Variants in BEND6 observed in about 807,000 individuals in gnomAD.
The protein encoded by BEND6 is BEN domain containing 6.
Under a neutral mutation model 31.8 loss-of-function variants are expected in BEND6, and 24 were observed. The ratio of observed to expected loss-of-function variants is 0.75; its 90% CI spans 0.55 to 1.06. The LOEUF (loss-of-function observed/expected upper bound fraction) is 1.06. Among genes scored for constraint, BEND6 ranks in the 50% least tolerant of loss-of-function variants. The pLI is 0.00. For synonymous variants in BEND6, 109 were observed against 114.6 expected (o/e 0.95, Z 0.31); for missense variants, 294 against 327.4 (o/e 0.90, Z 0.79).
rs187471304 is a variant in BEND6 at position 57,006,931 on chromosome 6, G to A, written c.299-8202G>A. On this transcript the variant is annotated intron_variant, in intron 3 of 6. Coordinates refer to ENST00000370746, the MANE Select transcript of BEND6 (RefSeq NM_152731.3). Reference sequence around the variant, plus strand: ...GAACTCAGAAACTAATCCACATACCGATAATCAATTGATTTTTGACAAAAC... The same window carrying A: ...GAACTCAGAAACTAATCCACATACCAATAATCAATTGATTTTTGACAAAAC... 3.9e-4 allele frequency among the ~76,000 whole-genome samples: 60 copies of A among 152,236 alleles called. 1 individual carries two copies. The highest frequency in any genetic ancestry group is 9.9e-4 in the African/African-American group (41 of 41,544).
chr6:56,975,369 G>A (rs1308663792), intron 1 of BEND6, among the ~76,000 whole-genome samples: 1 of 152,018 alleles, frequency 6.6e-6, no homozygotes, highest in Non-Finnish European at 1.5e-5. Flanking sequence ...TCTCAACATC[G>A]TTAGTATATC....
Position 57,017,234 on chromosome 6 carries a change from C to G in BEND6, c.547C>G (p.Arg183Gly), listed in dbSNP as rs775307108. The change falls in exon 5 of 7, where the codon CGT becomes GGT. Residue 183 changes from arginine (R) to glycine (G), a missense_variant. By Grantham distance (125) the Arg-to-Gly change is moderately radical. Coordinates refer to ENST00000370746, the MANE Select transcript of BEND6 (RefSeq NM_152731.3). Reference sequence around the variant, plus strand: ...CCAGATTGAAAAATGGCAGATTGCCCGTTGTAACAAGAGCAAGCCTCAGAA... The same window carrying G: ...CCAGATTGAAAAATGGCAGATTGCCGGTTGTAACAAGAGCAAGCCTCAGAA... ...QFQIEKWQIA[R>G]CNKSKPQKFI... is the part of the protein sequence containing the mutation. 2 of 1,561,684 alleles carry G rather than the reference C, an allele frequency of 1.3e-6. No individual in the cohort carries two copies. Among genetic ancestry groups the G allele is most frequent in the Non-Finnish European group, 8.7e-7 (1 of 1,155,080 alleles).
intron 2 of BEND6, among the ~76,000 whole-genome samples, chr6:56,991,813 C>T (rs1477195894): frequency 6.6e-6 from 1 of 152,134 alleles, no homozygotes; most frequent in Admixed American, 6.6e-5. Flanking sequence ...TCCCTCACGT[C>T]CCCTGTCAGC....
intron 2 of BEND6, among the ~76,000 whole-genome samples, chr6:56,991,340 T>G (rs1056223344): frequency 1.6e-4 from 25 of 152,036 alleles, no homozygotes; most frequent in African/African-American, 6.0e-4. Flanking sequence ...CAAGAGAATC[T>G]ATACAAATTT....
chr6:57,014,670 C>T (rs1015126403), intron 3 of BEND6: 25 of 619,688 alleles, frequency 4.0e-5, no homozygotes, highest in African/African-American at 2.3e-4. Context: ...AAACCATACA[C>T]GAAGGTCATA....
At chr6:57,016,678 T>C (rs1827571291) in intron 4 of BEND6, among the ~76,000 whole-genome samples, 1 of 152,326 alleles carries the variant, frequency 6.6e-6, no homozygotes, top group African/African-American at 2.4e-5. Flanking sequence ...CTTCTGTCTC[T>C]TTTTCCTGAT....
Position 57,015,253 on chromosome 6 carries a change from C to T in BEND6, c.419C>T (p.Ser140Leu), listed in dbSNP as rs200423235. 3.0e-5 allele frequency: 49 copies of T among 1,613,998 alleles called. No individual in the cohort carries two copies. The highest frequency in any genetic ancestry group is 2.2e-5 in the South Asian group (2 of 91,082). Residue 140 changes from serine to leucine, a missense_variant, in exon 4 of 7, where the codon TCG (serine) becomes TTG (leucine). Ser to Leu is a moderately radical substitution (Grantham distance 145). Coordinates refer to ENST00000370746, the MANE Select transcript of BEND6 (RefSeq NM_152731.3). Reference protein sequence around the residue: ...STLWRATNNSSPDSFASTCSN... With the variant: ...STLWRATNNSLPDSFASTCSN... ...CTCTGGAGAGCAACAAACAACTCCT[C>T]GCCAGATTCATTTGCCTCAACATGC...
At chr6:56,968,008 TA>T (rs1163911351) in intron 1 of BEND6, among the ~76,000 whole-genome samples, 12 of 152,198 alleles carry the variant, frequency 7.9e-5, no homozygotes, top group African/African-American at 2.4e-4. Context: ...AAATATTCAG[TA>T]AATGTTAGCT....
At chr6:56,962,111 CCTCT>C in intron 1 of BEND6, among the ~76,000 whole-genome samples, 1 of 152,184 alleles carries the variant, frequency 6.6e-6, no homozygotes, top group East Asian at 1.9e-4. Flanking sequence ...AGTTCAGCCT[CCTCT>C]CTCTCTTTCT....
At chr6:57,009,597 A>T (rs1165521141) in intron 3 of BEND6, 1 of 152,160 alleles carries the variant, frequency 6.6e-6, no homozygotes, top group African/African-American at 2.4e-5. Context: ...TACAAAATAT[A>T]CAAAATGAGA....
At chr6:56,983,910 T>C (rs531622722) in intron 2 of BEND6, among the ~76,000 whole-genome samples, 179 of 152,292 alleles carry the variant, frequency 1.2e-3, no homozygotes, top group Admixed American at 2.7e-3. Context: ...AATATCCTTA[T>C]ACATGTCCTT....
At chr6:56,992,343 G>A (rs1455165556) in intron 2 of BEND6, 35 bp from the exon 3 acceptor site, 4 of 1,559,604 alleles carry the variant, frequency 2.6e-6, no homozygotes, top group Non-Finnish European at 3.5e-6. Flanking sequence ...AAGATGCTAT[G>A]AGGCTTCTTT....
At chr6:56,982,008 G>T in intron 2 of BEND6, 78 bp downstream of exon 2, 1 of 1,390,190 alleles carries the variant, frequency 7.2e-7, no homozygotes, top group Non-Finnish European at 9.7e-7. Context: ...TAATTTATTA[G>T]TGCTTCTCCC....
chr6:57,016,575 A>C (rs1013800074), intron 4 of BEND6, among the ~76,000 whole-genome samples: 6 of 152,218 alleles, frequency 3.9e-5, no homozygotes, highest in African/African-American at 1.4e-4. Context: ...TTCTAGAAGC[A>C]ATCACATTCC....
In BEND6 at chr6:57,015,367, C is replaced by A. The variant is rs1827512364; in HGVS notation, c.519+14C>A. ...GATGAGAAACAGGTCAGTTGTAATA[C>A]CCGCCTTATTGTTCTTTGGAATATG... is the stretch of plus-strand genomic sequence containing the variant. On this transcript the variant is annotated intron_variant, in intron 4 of 6. Coordinates refer to ENST00000370746, the MANE Select transcript of BEND6 (RefSeq NM_152731.3). The A allele has an allele frequency of 1.3e-6, 2 of 1,591,248 alleles. No homozygotes were observed. Among genetic ancestry groups the A allele is most frequent in the East Asian group, 2.2e-5 (1 of 44,746 alleles).
intron 3 of BEND6, among the ~76,000 whole-genome samples, chr6:57,004,163 G>A (rs1827060451): frequency 6.6e-6 from 1 of 152,174 alleles, no homozygotes. Flanking sequence ...CCTAGTACTA[G>A]AATTGGTAGC....
intron 2 of BEND6, among the ~76,000 whole-genome samples, chr6:56,982,499 A>T (rs1562542411): frequency 6.6e-6 from 1 of 152,116 alleles, no homozygotes; most frequent in East Asian, 1.9e-4. Flanking sequence ...TTCCTTTTAA[A>T]TCTGAATTCC....
At position 56,973,235 on chromosome 6, in the gene BEND6, C is replaced by T. The variant is rs542166023; in HGVS notation, c.-100-8476C>T. 2.5e-4 allele frequency among the ~76,000 whole-genome samples: 38 copies of T among 152,204 alleles called. No individual in the cohort carries two copies. In the South Asian group the frequency reaches 5.8e-3, roughly 23 times the overall value. ...GAAGTAAGATTCTGACATCTGTTAC[C>T]ATCACTAAATAGTACTTAATAGGTC... On this transcript the variant is annotated intron_variant, in intron 1 of 6. Transcript: ENST00000370746.
chr6:57,016,634 G>C (rs1331257623), intron 4 of BEND6, among the ~76,000 whole-genome samples: 1 of 152,196 alleles, frequency 6.6e-6, no homozygotes, highest in Non-Finnish European at 1.5e-5. Context: ...AACAGCAAGT[G>C]AAGTCCCTCT....
Sources: allele counts gnomAD v4.1 joint callset (sites outside exome capture counted in the v4.1 genomes callset), GRCh38; gene constraint gnomAD v4.1.1; transcripts MANE v1.5; gene names NCBI Gene and HGNC (gene_info 2026-07-23, HGNC 2026-07-21).